WWP2: variants seen among roughly 807,000 people sequenced by gnomAD.
WWP2 encodes the protein NEDD4-like E3 ubiquitin-protein ligase WWP2.
Under a neutral mutation model 121.0 loss-of-function variants are expected in WWP2, and 57 were observed. The ratio of observed to expected loss-of-function variants is 0.47; its 90% confidence interval spans 0.38 to 0.59. The LOEUF (loss-of-function observed/expected upper bound fraction) is 0.59. Ranked by LOEUF, WWP2 falls within the 20% of genes least tolerant of loss-of-function variation. The pLI is 0.00. For missense variants in WWP2, 962 were observed against 1,158.9 expected (o/e 0.83, Z 2.47); for synonymous variants, 449 against 441.3 (o/e 1.02, Z -0.22).
chr16:69,846,049 CAAAAA>C lies in WWP2; in HGVS notation c.575+3946_575+3950del, dbSNP rs57201672. Among the ~76,000 whole-genome samples, 16 of 45,596 alleles carry C rather than the reference CAAAAA, an allele frequency of 3.5e-4. 1 individual carries two copies. The highest frequency in any genetic ancestry group is 0.038 in the Middle Eastern group (2 of 52). 29.9% of individuals were successfully genotyped at this position (45,596 alleles called of 152,430 possible). On this transcript the variant is annotated intron_variant, in intron 6 of 23. Coordinates refer to ENST00000359154, the MANE Select transcript of WWP2 (RefSeq NM_001270454.2). ...TGGGTGACAGAGCCAGACTCCATCT[CAAAAA>C]AAAAAAAAAAAAAAAAGAATACTTA...
intron 4 of WWP2, among the ~76,000 whole-genome samples, chr16:69,839,525 G>A (rs1187369276): frequency 1.3e-5 from 2 of 152,054 alleles, no homozygotes; most frequent in African/African-American, 2.4e-5. Flanking sequence ...GGGTGCTCTG[G>A]GCCACTTCTC....
chr16:69,858,690 A>G (rs969480086), intron 6 of WWP2, among the ~76,000 whole-genome samples: 3 of 152,176 alleles, frequency 2.0e-5, no homozygotes, highest in African/African-American at 7.2e-5. Flanking sequence ...TAAGGTTAGT[A>G]TTGGAATCAG....
chr16:69,833,219 C>A (rs146218751), intron 4 of WWP2, among the ~76,000 whole-genome samples: 1 of 152,336 alleles, frequency 6.6e-6, no homozygotes, highest in Non-Finnish European at 1.5e-5. Context: ...TCTTTTCAGT[C>A]TCTCTTAACT....
intron 6 of WWP2, among the ~76,000 whole-genome samples, chr16:69,863,818 C>A (rs1474719270): frequency 6.6e-6 from 1 of 152,166 alleles, no homozygotes; most frequent in Non-Finnish European, 1.5e-5. Context: ...TGGAAATGTA[C>A]ACGTATAGCC....
intron 8 of WWP2, among the ~76,000 whole-genome samples, chr16:69,897,635 C>T (rs895383958): frequency 3.3e-5 from 5 of 152,102 alleles, no homozygotes; most frequent in East Asian, 3.9e-4. Context: ...GTAGGCCAGG[C>T]GCAGTGGCTC....
intron 4 of WWP2, among the ~76,000 whole-genome samples, chr16:69,817,469 C>T (rs1186730007): frequency 3.3e-5 from 5 of 152,158 alleles, no homozygotes; most frequent in South Asian, 2.1e-4. Context: ...AGGCTGGTCT[C>T]GAACTCCTGA....
chr16:69,834,221 C>T (rs974097706), intron 4 of WWP2, among the ~76,000 whole-genome samples: 1 of 152,198 alleles, frequency 6.6e-6, no homozygotes, highest in Non-Finnish European at 1.5e-5. Context: ...ATCTGCTCCT[C>T]TCTTCCCTCG....
intron 7 of WWP2, among the ~76,000 whole-genome samples, chr16:69,876,875 G>A (rs2057744878): frequency 6.6e-6 from 1 of 152,058 alleles, no homozygotes; most frequent in Admixed American, 6.6e-5. Flanking sequence ...CTCAACAGTG[G>A]GCTTAAAATA....
chr16:69,888,513 G>A (rs962664765), intron 8 of WWP2, among the ~76,000 whole-genome samples: 1 of 152,044 alleles, frequency 6.6e-6, no homozygotes, highest in African/African-American at 2.4e-5. Context: ...TGGCTTTTAC[G>A]GAACAAGGAG....
intron 2 of WWP2, among the ~76,000 whole-genome samples, chr16:69,796,869 G>A (rs1326950758): frequency 1.3e-5 from 2 of 152,220 alleles, no homozygotes; most frequent in South Asian, 2.1e-4. Context: ...TGGGGCCAGA[G>A]GAAGATAGTT....
chr16:69,824,833 T>C (rs2965755), intron 4 of WWP2, among the ~76,000 whole-genome samples: 130,281 of 143,576 alleles, frequency 0.91, 59,335 homozygotes, highest in Admixed American at 0.95. Context: ...TACAGTGGTG[T>C]GATCTTGGCT....
intron 5 of WWP2, 63 bp downstream of exon 5, chr16:69,840,326 A>G: frequency 6.2e-7 from 1 of 1,602,086 alleles, no homozygotes; most frequent in Non-Finnish European, 8.5e-7. Context: ...GGGGGCCAGG[A>G]GGTGCTGAGA....
At chr16:69,870,825 G>A (rs747348365) in intron 6 of WWP2, among the ~76,000 whole-genome samples, 2 of 152,126 alleles carry the variant, frequency 1.3e-5, no homozygotes. Flanking sequence ...TCACTGAGTG[G>A]GCAAAGTCAA....
Position 69,937,409 on chromosome 16 carries a change from G to GAAA in WWP2, c.2239-139_2239-138insAAA, listed in dbSNP as rs1282992233. ...CCCAGACACTTGTTTCAAGAAAGCA[G>GAAA]GGACTTACATTACCCATATTATTAA... On this transcript the variant is annotated intron_variant, in intron 20 of 23. Transcript: ENST00000359154. This position sits in a 1 kb window ranked among gnomAD's most constrained non-coding sequence, Gnocchi z 6.6. The GAAA allele has an allele frequency of 1.5e-6, 2 of 1,353,266 alleles. No individual in the cohort carries two copies. Among genetic ancestry groups the GAAA allele is most frequent in the African/African-American group, 2.9e-5 (2 of 68,498 alleles). The allele number at this position is 1,353,266 out of a possible 1,614,324, so 83.8% of individuals were successfully genotyped here. A position where few individuals can be genotyped will look rare whatever the true frequency, so the allele number is the denominator to read the frequency against.
rs576288733 is a variant in WWP2 at position 69,837,778 on chromosome 16, A to G, written c.341-2348A>G. On this transcript the variant is annotated intron_variant, in intron 4 of 23. Coordinates refer to ENST00000359154, the MANE Select transcript of WWP2 (RefSeq NM_001270454.2). ...ATAGCGGTGTGTGTCCTGGAGCCAG[A>G]AGGCTGGGCGCCTTTAGGAGATGAC... Among the ~76,000 whole-genome samples, 3 of 152,318 alleles carry G rather than the reference A, an allele frequency of 2.0e-5. No individual in the cohort carries two copies. In the South Asian group the frequency reaches 6.2e-4, roughly 32 times the overall value.
chr16:69,836,945 C>T (rs552180286), intron 4 of WWP2, among the ~76,000 whole-genome samples: 7 of 149,406 alleles, frequency 4.7e-5, no homozygotes, highest in Admixed American at 1.3e-4. Flanking sequence ...TTTTTTGAGA[C>T]GCAGTCTCAT....
At position 69,935,693 on chromosome 16, in the gene WWP2, C is replaced by T. The variant is rs1179782320; in HGVS notation, c.1843-160C>T. On this transcript the variant is annotated intron_variant, in intron 17 of 23. Coordinates refer to ENST00000359154, the MANE Select transcript of WWP2 (RefSeq NM_001270454.2). This position sits in a 1 kb window ranked among gnomAD's most constrained non-coding sequence, Gnocchi z 5.2. ...AGTCAGGATAAAGGCGTTGTTTACT[C>T]CTGAGGCCCTCCCGCTGCGTCCGAG... 5.3e-5 allele frequency among the ~76,000 whole-genome samples: 8 copies of T among 152,328 alleles called. No homozygotes were observed. The highest frequency in any genetic ancestry group is 1.4e-4 in the African/African-American group (6 of 41,574).
intron 1 of WWP2, among the ~76,000 whole-genome samples, chr16:69,766,361 C>T (rs765301741): frequency 1.3e-5 from 2 of 152,204 alleles, no homozygotes; most frequent in Non-Finnish European, 2.9e-5. Context: ...GGCTGGCCTT[C>T]ACTTTCTCCA....
chr16:69,846,048 T>TGAAAA (rs1567700143), intron 6 of WWP2, among the ~76,000 whole-genome samples: 1 of 1,726 alleles, frequency 5.8e-4, no homozygotes, highest in African/African-American at 2.2e-3. Context: ...AGACTCCATC[T>TGAAAA]CAAAAAAAAA....
Sources: allele counts gnomAD v4.1 joint callset (sites outside exome capture counted in the v4.1 genomes callset), GRCh38; gene constraint gnomAD v4.1.1; non-coding constraint Gnocchi (gnomAD v3.1); transcripts MANE v1.5; gene names NCBI Gene and HGNC (gene_info 2026-07-23, HGNC 2026-07-21).